The following RIOK2 variants were observed in gnomAD, a reference collection of about 807,000 sequenced individuals.
RIOK2 encodes the protein RIO kinase 2.
A neutral mutation model predicts 62.4 loss-of-function variants in RIOK2; 46 were observed. The ratio of observed to expected loss-of-function variants is 0.74; its 90% CI spans 0.58 to 0.94. The LOEUF is 0.94. Among genes scored for constraint, RIOK2 ranks in the 40% least tolerant of loss-of-function variants. The probability of loss-of-function intolerance (pLI) is 0.00; values close to 1 mark genes in which losing one functional copy is unlikely to be tolerated. For missense variants in RIOK2, 574 were observed against 658.0 expected, an observed-to-expected ratio of 0.87 and a Z score of 1.40; for synonymous variants, 197 against 216.0, an observed-to-expected ratio of 0.91 and a Z score of 0.77.
At position 97,177,760 on chromosome 5, in the gene RIOK2, T is replaced by C; in HGVS notation, c.294A>G (p.Gly98=). The change falls in exon 3 of 10, where the codon GGA becomes GGG. Residue 98 remains glycine, a synonymous_variant. Transcript: ENST00000283109. The part of the protein sequence containing the change: ...LSSRQVVESV[G]NQMGVGKESD... ...ATTCTTTGCCAACACCCATCTGGTT[T>C]CCAACAGACTCAACTACTTGCCTAG... 1 of 1,611,824 alleles carries C rather than the reference T, an allele frequency of 6.2e-7. No homozygotes were observed. The highest frequency in any genetic ancestry group is 1.3e-5 in the African/African-American group (1 of 75,026).
intron 4 of RIOK2, among the ~76,000 whole-genome samples, chr5:97,174,009 T>C (rs948148812): frequency 1.3e-5 from 2 of 152,220 alleles, no homozygotes; most frequent in Non-Finnish European, 2.9e-5. Context: ...AACATATACT[T>C]GTAAGGAGGC....
intron 8 of RIOK2, 90 bp downstream of exon 8, chr5:97,167,377 C>T: frequency 6.6e-7 from 1 of 1,523,350 alleles, no homozygotes; most frequent in Non-Finnish European, 8.8e-7. Flanking sequence ...AATTTTGTCA[C>T]ATCATTTGAA....
Position 97,177,907 on chromosome 5 carries a change from G to GT in RIOK2, c.206-60dup, listed in dbSNP as rs1718943285. Reference sequence around the variant, plus strand: ...CAGTTACATTGTACAACCAAGTCACGTAAGTTCAAGTCATAAGAAAGATTT... The same window carrying GT: ...CAGTTACATTGTACAACCAAGTCACGTTAAGTTCAAGTCATAAGAAAGATTT... On this transcript the variant is annotated intron_variant, in intron 2 of 9. Transcript: ENST00000283109. 8 of 991,828 alleles carry GT rather than the reference G, an allele frequency of 8.1e-6. 1 individual carries two copies. The highest frequency in any genetic ancestry group is 7.4e-5 in the South Asian group (5 of 67,880). 61.4% of individuals were successfully genotyped at this position (991,828 alleles called of 1,614,324 possible). A position where few individuals can be genotyped will look rare whatever the true frequency, so the allele number is the denominator to read the frequency against.
chr5:97,176,406 A>G (rs1749163114), intron 4 of RIOK2, among the ~76,000 whole-genome samples: 1 of 152,142 alleles, frequency 6.6e-6, no homozygotes, highest in East Asian at 1.9e-4. Flanking sequence ...CAGTGGCACA[A>G]TCTTCACTCA....
At chr5:97,176,452 C>G (rs1325536831) in intron 4 of RIOK2, among the ~76,000 whole-genome samples, 1 of 152,146 alleles carries the variant, frequency 6.6e-6, no homozygotes, top group Non-Finnish European at 1.5e-5. Context: ...AGTGATTTTC[C>G]TGCTTCAGTC....
intron 8 of RIOK2, 41 bp from the exon 9 acceptor site, chr5:97,165,188 T>C: frequency 1.0e-6 from 1 of 996,268 alleles, no homozygotes; most frequent in Non-Finnish European, 1.4e-6. Context: ...TTAATTTGTA[T>C]AATGTAATGA....
chr5:97,179,239 T>C (rs1197143107), intron 1 of RIOK2, 46 bp from the exon 2 acceptor site: 3 of 1,584,566 alleles, frequency 1.9e-6, no homozygotes, highest in Non-Finnish European at 8.6e-7. Context: ...ACACAAAGCC[T>C]TGTCTATCAA....
At chr5:97,164,251 A>C (rs965497646) in intron 9 of RIOK2, among the ~76,000 whole-genome samples, 3 of 151,810 alleles carry the variant, frequency 2.0e-5, no homozygotes, top group African/African-American at 7.2e-5. Flanking sequence ...CTGAAATCCC[A>C]GCACTTTGGG....
At chr5:97,168,647 G>T in intron 7 of RIOK2, 113 bp downstream of exon 7, 2 of 600,804 alleles carry the variant, frequency 3.3e-6, no homozygotes, top group Non-Finnish European at 5.8e-6. Context: ...ACATCTAACA[G>T]TGATTACGTG....
chr5:97,174,280 C>A (rs369478164), intron 4 of RIOK2, among the ~76,000 whole-genome samples: 1 of 152,066 alleles, frequency 6.6e-6, no homozygotes, highest in East Asian at 1.9e-4. Flanking sequence ...ATTAGCCAGG[C>A]GTGGTGGCAC....
rs767994335 is a variant in RIOK2, at chr5:97,177,172, C to A, written c.442G>T (p.Val148Leu). ...AGACGAGATAAATATAGCCATGACA[C>A]ATTGTGCCTATGTTTATGATAATCG... ...KRDYHKHRHN[V>L]SWLYLSRLSA... Residue 148 changes from valine to leucine, a missense_variant, in exon 4 of 10, where the codon GTG (valine) becomes TTG (leucine). Physicochemically the swap from Val to Leu is conservative, Grantham distance 32. Transcript: ENST00000283109. The A allele has an allele frequency of 9.9e-6, 16 of 1,613,038 alleles. No individual in the cohort carries two copies. Among genetic ancestry groups the A allele is most frequent in the Non-Finnish European group, 1.3e-5 (15 of 1,179,296 alleles).
In RIOK2 at chr5:97,162,216, G is replaced by GACAATAA. The variant is rs1417308306; in HGVS notation, c.*844_*845insTTATTGT. On this transcript the variant is annotated 3_prime_UTR_variant, in exon 10 of 10. Coordinates refer to ENST00000283109, the MANE Select transcript of RIOK2 (RefSeq NM_018343.3). ...TGCGGCAATGAAGAGACAATAATCA[G>GACAATAA]GTGCATACACTTAAGCACTCATCTT... The GACAATAA allele has an allele frequency of 6.6e-6, 1 of 152,006 alleles. No homozygotes were observed. The highest frequency in any genetic ancestry group is 1.9e-4 in the East Asian group (1 of 5,188). 9.4% of individuals were successfully genotyped at this position (152,006 alleles called of 1,614,324 possible).
chr5:97,177,425 C>T (rs1224030122), intron 3 of RIOK2, 134 bp from the exon 4 acceptor site: 34 of 839,858 alleles, frequency 4.0e-5, no homozygotes, highest in Non-Finnish European at 1.8e-6. Flanking sequence ...CCCTCCTTAT[C>T]CAAAACCTTC....
chr5:97,177,418 TCC>T (rs1320079933), intron 3 of RIOK2, 127 bp from the exon 4 acceptor site: 34 of 902,102 alleles, frequency 3.8e-5, no homozygotes, highest in Non-Finnish European at 1.6e-6. Flanking sequence ...TGAGTATCCC[TCC>T]TTATCCAAAA....
At chr5:97,166,539 A>G (rs1580266015) in intron 8 of RIOK2, among the ~76,000 whole-genome samples, 3 of 152,242 alleles carry the variant, frequency 2.0e-5, no homozygotes, top group Admixed American at 6.5e-5. Context: ...AATAAAACCA[A>G]TATTTCATTT....
In RIOK2 at chr5:97,177,834, G is replaced by A. The variant is rs147196470; in HGVS notation, c.220C>T (p.Arg74Trp). The A allele has an allele frequency of 2.4e-4, 390 of 1,611,042 alleles. No homozygotes were observed. The highest frequency in any genetic ancestry group is 3.0e-4 in the Non-Finnish European group (350 of 1,177,724). ...TAATCATATCCTGCATTTGTCAACC[G>A]ATAGCCCTGGACAGCTAGACAAAAA... The part of the protein sequence containing the change: ...WERTKTVQGY[R>W]LTNAGYDYLA... Residue 74 changes from arginine to tryptophan, a missense_variant, in exon 3 of 10, where the codon CGG becomes TGG. Coordinates refer to ENST00000283109, the MANE Select transcript of RIOK2 (RefSeq NM_018343.3).
intron 9 of RIOK2, 32 bp from the exon 10 acceptor site, chr5:97,163,257 T>C: frequency 6.3e-7 from 1 of 1,576,108 alleles, no homozygotes; most frequent in South Asian, 1.1e-5. Flanking sequence ...GTATTACTGA[T>C]AATGAACCAT....
At chr5:97,176,502 C>T (rs759468374) in intron 4 of RIOK2, among the ~76,000 whole-genome samples, 6 of 152,090 alleles carry the variant, frequency 3.9e-5, no homozygotes, top group South Asian at 2.1e-4. Context: ...CCACCATCCC[C>T]GGCTAATTCT....
chr5:97,173,607 G>C (rs1469352571), intron 4 of RIOK2, among the ~76,000 whole-genome samples: 1 of 152,110 alleles, frequency 6.6e-6, no homozygotes, highest in African/African-American at 2.4e-5. Context: ...CAGTCTCTTA[G>C]GGTATATCCT....
Sources: allele counts gnomAD v4.1 joint callset (sites outside exome capture counted in the v4.1 genomes callset), GRCh38; gene constraint gnomAD v4.1.1; transcripts MANE v1.5; gene names NCBI Gene and HGNC (gene_info 2026-07-23, HGNC 2026-07-21).